Variants in GABRB1 observed in about 807,000 individuals in gnomAD.
GABRB1 encodes the protein gamma-aminobutyric acid receptor subunit beta-1.
Under a neutral mutation model 51.6 loss-of-function variants are expected in GABRB1, and 17 were observed. The observed-to-expected ratio is 0.33, with a 90% CI of 0.23 to 0.49. The LOEUF (loss-of-function observed/expected upper bound fraction) is 0.49. Ranked by LOEUF, GABRB1 falls within the 20% of genes least tolerant of loss-of-function variation. The pLI is 0.99. For synonymous variants in GABRB1, 247 were observed against 218.9 expected (o/e 1.13, Z -1.14); for missense variants, 410 against 600.6 (o/e 0.68, Z 3.32).
At chr4:47,306,455 G>A (rs1724474229) in intron 4 of GABRB1, among the ~76,000 whole-genome samples, 1 of 150,968 alleles carries the variant, frequency 6.6e-6, no homozygotes, top group South Asian at 2.1e-4. Context: ...GAGAAGGGAG[G>A]GAGGAAAAGA....
intron 3 of GABRB1, among the ~76,000 whole-genome samples, chr4:47,067,619 A>G (rs907640161): frequency 6.6e-6 from 1 of 151,224 alleles, no homozygotes; most frequent in Non-Finnish European, 1.5e-5. Flanking sequence ...AGTATATTTT[A>G]TTATTATTAT....
chr4:47,102,745 A>G (rs1386867485), intron 3 of GABRB1, among the ~76,000 whole-genome samples: 1 of 152,004 alleles, frequency 6.6e-6, no homozygotes, highest in Admixed American at 6.6e-5. Flanking sequence ...CAGCACATGG[A>G]AAACAAAGAA....
At chr4:47,386,954 A>C (rs1479019875) in intron 5 of GABRB1, among the ~76,000 whole-genome samples, 2 of 152,236 alleles carry the variant, frequency 1.3e-5, no homozygotes, top group Non-Finnish European at 2.9e-5. Context: ...CTAAACAATT[A>C]GGAAAATATT....
intron 1 of GABRB1, among the ~76,000 whole-genome samples, chr4:47,026,154 A>G (rs1443662095): frequency 6.6e-6 from 1 of 151,976 alleles, no homozygotes; most frequent in Non-Finnish European, 1.5e-5. Flanking sequence ...TAGTGTAAAA[A>G]TAAATAAATA....
chr4:47,051,212 A>G (rs1726336094), intron 3 of GABRB1, among the ~76,000 whole-genome samples: 1 of 152,186 alleles, frequency 6.6e-6, no homozygotes, highest in East Asian at 1.9e-4. Flanking sequence ...GCTAATGGGC[A>G]ATATCCGGAA....
At chr4:47,391,864 T>C (rs1728008160) in intron 5 of GABRB1, among the ~76,000 whole-genome samples, 1 of 152,144 alleles carries the variant, frequency 6.6e-6, no homozygotes, top group South Asian at 2.1e-4. Flanking sequence ...TTTAAATGAA[T>C]GAAAGAAGGC....
chr4:47,309,238 T>A (rs2109949436), intron 4 of GABRB1, among the ~76,000 whole-genome samples: 1 of 150,030 alleles, frequency 6.7e-6, no homozygotes, highest in African/African-American at 2.4e-5. Context: ...TTACTATTGT[T>A]CTATTCCCTA....
chr4:47,089,284 G>A (rs1406197130), intron 3 of GABRB1, among the ~76,000 whole-genome samples: 1 of 152,036 alleles, frequency 6.6e-6, no homozygotes, highest in Non-Finnish European at 1.5e-5. Flanking sequence ...CTCCCTTCTT[G>A]CCCCAGTAAA....
intron 4 of GABRB1, among the ~76,000 whole-genome samples, chr4:47,209,142 T>C (rs1340711932): frequency 6.6e-6 from 1 of 152,116 alleles, no homozygotes; most frequent in Non-Finnish European, 1.5e-5. Context: ...ACCTAATTTC[T>C]CTGTGGATGT....
At chr4:47,042,782 T>C (rs1725914684) in intron 3 of GABRB1, among the ~76,000 whole-genome samples, 1 of 151,972 alleles carries the variant, frequency 6.6e-6, no homozygotes, top group African/African-American at 2.4e-5. Flanking sequence ...AAATTATGTC[T>C]AATCCACAAA....
At chr4:46,999,066 T>G (rs1396533091) in intron 1 of GABRB1, among the ~76,000 whole-genome samples, 1 of 152,212 alleles carries the variant, frequency 6.6e-6, no homozygotes, top group Non-Finnish European at 1.5e-5. Flanking sequence ...ATGATACTAT[T>G]GTTAAGAAAC....
chr4:46,999,816 C>T (rs1189593147), intron 1 of GABRB1, among the ~76,000 whole-genome samples: 3 of 152,212 alleles, frequency 2.0e-5, no homozygotes, highest in Admixed American at 6.5e-5. Context: ...GCTGACATCA[C>T]AGCCTGAATA....
intron 3 of GABRB1, among the ~76,000 whole-genome samples, chr4:47,108,454 A>C (rs576223057): frequency 2.6e-5 from 4 of 152,084 alleles, no homozygotes; most frequent in Admixed American, 6.6e-5. Context: ...TTTATAGCAC[A>C]TTGTGGATTT....
intron 5 of GABRB1, among the ~76,000 whole-genome samples, chr4:47,337,745 G>A (rs911073255): frequency 1.4e-5 from 2 of 144,304 alleles, no homozygotes; most frequent in African/African-American, 5.2e-5. Context: ...GGGCAGCAAA[G>A]GTTTCAGTGA....
chr4:47,375,527 G>A (rs1727346284), intron 5 of GABRB1, among the ~76,000 whole-genome samples: 1 of 152,282 alleles, frequency 6.6e-6, no homozygotes, highest in East Asian at 1.9e-4. Context: ...TACACTAAAT[G>A]TCTATCATTT....
chr4:47,210,725 T>G (rs555866855), intron 4 of GABRB1, among the ~76,000 whole-genome samples: 1 of 152,192 alleles, frequency 6.6e-6, no homozygotes, highest in Non-Finnish European at 1.5e-5. Flanking sequence ...GTGGAGACTT[T>G]CCTATGAACC....
chr4:47,050,661 G>A (rs1726309701), intron 3 of GABRB1, among the ~76,000 whole-genome samples: 1 of 152,132 alleles, frequency 6.6e-6, no homozygotes, highest in East Asian at 1.9e-4. Flanking sequence ...CTGTGAGATA[G>A]CCTATTTTTT....
intron 3 of GABRB1, among the ~76,000 whole-genome samples, chr4:47,083,178 T>C (rs557595455): frequency 6.6e-6 from 1 of 152,260 alleles, no homozygotes; most frequent in South Asian, 2.1e-4. Context: ...AGGAGACCTT[T>C]AGTCTTGTAA....
intron 4 of GABRB1, among the ~76,000 whole-genome samples, chr4:47,245,843 A>G (rs1578030278): frequency 7.0e-6 from 1 of 142,686 alleles, no homozygotes. Context: ...TTTTTTTTTT[A>G]ATAAAAAGCT....
Sources: gnomAD v4.1 joint callset for allele counts (sites outside exome capture counted in the v4.1 genomes callset) on GRCh38, gnomAD v4.1.1 for gene constraint, MANE v1.5 for transcripts, NCBI Gene and HGNC (gene_info 2026-07-23, HGNC 2026-07-21) for gene names.